The following KCNAB1 variants were observed in gnomAD, a reference collection of about 807,000 sequenced individuals.
The protein encoded by KCNAB1 is potassium voltage-gated channel subfamily A regulatory beta subunit 1.
A neutral mutation model predicts 64.6 loss-of-function variants in KCNAB1; 35 were observed. The ratio of observed to expected loss-of-function variants is 0.54; its 90% CI spans 0.41 to 0.72. The LOEUF is 0.72. Among genes scored for constraint, KCNAB1 ranks in the 30% least tolerant of loss-of-function variants. The pLI is 0.00. For synonymous variants in KCNAB1, 177 were observed against 183.8 expected (o/e 0.96, Z 0.30); for missense variants, 401 against 512.9 (o/e 0.78, Z 2.11).
At chr3:156,258,267 T>C (rs1478345205) in intron 1 of KCNAB1, among the ~76,000 whole-genome samples, 1 of 152,162 alleles carries the variant, frequency 6.6e-6, no homozygotes, top group Non-Finnish European at 1.5e-5. Flanking sequence ...AATGCTATTT[T>C]CAGAAGAAAG....
At chr3:156,325,014 C>A (rs2108032654) in intron 1 of KCNAB1, among the ~76,000 whole-genome samples, 1 of 152,220 alleles carries the variant, frequency 6.6e-6, no homozygotes, top group South Asian at 2.1e-4. Flanking sequence ...ACTTCATTTG[C>A]CCAAGGGCAC....
At chr3:156,379,142 T>C (rs558882672) in intron 1 of KCNAB1, among the ~76,000 whole-genome samples, 7 of 152,348 alleles carry the variant, frequency 4.6e-5, no homozygotes, top group South Asian at 4.1e-4. Flanking sequence ...AGCAGCACTC[T>C]GAAGGCAGGT....
At chr3:156,156,866 C>T (rs570192945) in intron 1 of KCNAB1, among the ~76,000 whole-genome samples, 7 of 152,026 alleles carry the variant, frequency 4.6e-5, no homozygotes, top group African/African-American at 1.4e-4. Context: ...CAGTATATTG[C>T]GAGAACATAA....
chr3:156,501,550 G>A (rs1293763678), intron 8 of KCNAB1, among the ~76,000 whole-genome samples: 1 of 150,040 alleles, frequency 6.7e-6, no homozygotes, highest in African/African-American at 2.5e-5. Context: ...TCGTGCCTGA[G>A]CCTCCTGAGG....
chr3:156,133,008 A>G (rs1714093283), intron 1 of KCNAB1, among the ~76,000 whole-genome samples: 5 of 152,234 alleles, frequency 3.3e-5, no homozygotes, highest in Admixed American at 2.0e-4. Flanking sequence ...GAGACTTTTT[A>G]TTACAAATAT....
At chr3:156,353,477 A>C (rs1032646319) in intron 1 of KCNAB1, among the ~76,000 whole-genome samples, 4 of 152,328 alleles carry the variant, frequency 2.6e-5, no homozygotes, top group Admixed American at 2.6e-4. Flanking sequence ...AATCACTTCA[A>C]AATTTAGCAG....
rs550085536 is a variant in KCNAB1 at position 156,223,441 on chromosome 3, A to G, written c.275+102555A>G. Among the ~76,000 whole-genome samples, 5 of 152,322 alleles carry G rather than the reference A, an allele frequency of 3.3e-5. No homozygotes were observed. In the South Asian group the frequency reaches 1.0e-3, roughly 32 times the overall value. ...AGAGAGCTGATTGGTCCATTTTGAC[A>G]GGGTGCTGATTGGTGCATTTACAAT... is the stretch of plus-strand genomic sequence containing the variant. On this transcript the variant is annotated intron_variant, in intron 1 of 13. Coordinates refer to ENST00000490337, the MANE Select transcript of KCNAB1 (RefSeq NM_172160.3).
chr3:156,529,133 C>T (rs1021720574), intron 12 of KCNAB1, among the ~76,000 whole-genome samples: 5 of 152,132 alleles, frequency 3.3e-5, no homozygotes, highest in African/African-American at 1.2e-4. Context: ...CCTGTATCCA[C>T]ACAATGGAAT....
At chr3:156,230,155 C>T (rs1716434747) in intron 1 of KCNAB1, among the ~76,000 whole-genome samples, 2 of 152,106 alleles carry the variant, frequency 1.3e-5, no homozygotes, top group Non-Finnish European at 2.9e-5. Context: ...TATTTGTGGC[C>T]TTGTGTTCAT....
intron 1 of KCNAB1, among the ~76,000 whole-genome samples, chr3:156,306,069 A>G (rs1435607620): frequency 6.6e-6 from 1 of 152,244 alleles, no homozygotes; most frequent in African/African-American, 2.4e-5. Flanking sequence ...AGTAACAAAA[A>G]GAGAATATCT....
chr3:156,229,892 G>T (rs1231438345), intron 1 of KCNAB1, among the ~76,000 whole-genome samples: 2 of 152,030 alleles, frequency 1.3e-5, no homozygotes, highest in Admixed American at 6.5e-5. Context: ...ACATTCCTAT[G>T]TAGGAAGAGC....
At chr3:156,372,067 G>A (rs1450394826) in intron 1 of KCNAB1, among the ~76,000 whole-genome samples, 1 of 152,110 alleles carries the variant, frequency 6.6e-6, no homozygotes, top group Non-Finnish European at 1.5e-5. Context: ...CAGCGTCTCT[G>A]GTTTAGAGGA....
intron 1 of KCNAB1, among the ~76,000 whole-genome samples, chr3:156,138,404 A>G (rs1315382159): frequency 6.6e-6 from 1 of 152,144 alleles, no homozygotes; most frequent in Non-Finnish European, 1.5e-5. Context: ...CCACCCCGGC[A>G]GTGACAGTGC....
chr3:156,457,532 A>G lies in KCNAB1; in HGVS notation c.437A>G (p.Lys146Arg), dbSNP rs755836513. The G allele has an allele frequency of 1.9e-6, 3 of 1,612,886 alleles. No individual in the cohort carries two copies. Among genetic ancestry groups the G allele is most frequent in the South Asian group, 2.2e-5 (2 of 91,054 alleles). ...FDTAEVYAAG[K>R]AEVILGSIIK... Reference sequence around the variant, plus strand: ...ACTGCCGAAGTCTATGCTGCTGGAAAGTAAGTCAGTACCTGTTTGTGTCAC... The same window carrying G: ...ACTGCCGAAGTCTATGCTGCTGGAAGGTAAGTCAGTACCTGTTTGTGTCAC... Residue 146 changes from lysine to arginine, a missense_variant and splice_region_variant, in exon 4 of 14, where the codon AAG becomes AGG. Transcript: ENST00000490337.
chr3:156,412,777 G>C (rs1050803259), intron 1 of KCNAB1, among the ~76,000 whole-genome samples: 1 of 152,220 alleles, frequency 6.6e-6, no homozygotes, highest in Non-Finnish European at 1.5e-5. Context: ...AGTAGTGGCT[G>C]TGAAGAAGTC....
intron 1 of KCNAB1, among the ~76,000 whole-genome samples, chr3:156,362,345 C>G (rs1725669691): frequency 6.6e-6 from 1 of 152,158 alleles, no homozygotes; most frequent in Non-Finnish European, 1.5e-5. Flanking sequence ...CAAGAGAAAA[C>G]TTTGACATCT....
chr3:156,344,614 A>G (rs1258281409), intron 1 of KCNAB1, among the ~76,000 whole-genome samples: 4 of 152,226 alleles, frequency 2.6e-5, no homozygotes, highest in Admixed American at 6.5e-5. Context: ...AATATCAGAT[A>G]ATAAGTTCCT....
chr3:156,480,242 ATCT>A (rs896219008), intron 8 of KCNAB1, among the ~76,000 whole-genome samples: 1 of 152,308 alleles, frequency 6.6e-6, no homozygotes, highest in East Asian at 1.9e-4. Flanking sequence ...GAAGGAAGAA[ATCT>A]TCTGCAAATA....
At chr3:156,352,348 C>G (rs988201508) in intron 1 of KCNAB1, among the ~76,000 whole-genome samples, 1 of 152,212 alleles carries the variant, frequency 6.6e-6, no homozygotes, top group Non-Finnish European at 1.5e-5. Flanking sequence ...ATCAGGTATG[C>G]CCAGAGCTCT....
Sources: allele counts gnomAD v4.1 joint callset (sites outside exome capture counted in the v4.1 genomes callset), GRCh38; gene constraint gnomAD v4.1.1; transcripts MANE v1.5; gene names NCBI Gene and HGNC (gene_info 2026-07-23, HGNC 2026-07-21).